Variants in COL11A1 observed in about 807,000 individuals in gnomAD.
COL11A1 encodes the protein collagen alpha-1(XI) chain.
COL11A1 carries 74 observed loss-of-function variants against 265.2 expected under a neutral mutation model. The observed-to-expected ratio is 0.28, with a 90% CI of 0.23 to 0.34. The LOEUF is 0.34. Among genes scored for constraint, COL11A1 ranks in the 10% least tolerant of loss-of-function variants. COL11A1 has a pLI of 1.00. For missense variants in COL11A1, 2,165 were observed against 2,263.6 expected (o/e 0.96, Z 0.88); for synonymous variants, 816 against 727.6 (o/e 1.12, Z -1.96).
At chr1:102,878,338 G>A (rs1649759837) in intron 66 of COL11A1, among the ~76,000 whole-genome samples, 173 bp from the exon 67 acceptor site, 1 of 150,382 alleles carries the variant, frequency 6.6e-6, no homozygotes, top group Non-Finnish European at 1.5e-5. Context: ...TCTAAATTTT[G>A]AATATTGATT....
At chr1:103,038,494 G>C (rs1294729045) in intron 4 of COL11A1, among the ~76,000 whole-genome samples, 8 of 152,114 alleles carry the variant, frequency 5.3e-5, no homozygotes, top group Non-Finnish European at 1.0e-4. Context: ...GCGAGAGAGA[G>C]AGAGAGAAGT....
intron 46 of COL11A1, among the ~76,000 whole-genome samples, chr1:102,932,452 G>A (rs11804582): frequency 0.11 from 17,353 of 152,164 alleles, 1,078 homozygotes; most frequent in East Asian, 0.21. Flanking sequence ...GGCTTCTGCC[G>A]AGAGATCCGC....
At chr1:103,084,213 A>G (rs1382286207) in intron 1 of COL11A1, among the ~76,000 whole-genome samples, 1 of 152,052 alleles carries the variant, frequency 6.6e-6, no homozygotes, top group East Asian at 1.9e-4. Context: ...CATCAACTCA[A>G]ACTTCATCAC....
chr1:102,920,350 G>T lies in COL11A1; in HGVS notation c.3723C>A (p.Pro1241=), dbSNP rs1235107727. 1.9e-6 allele frequency: 3 copies of T among 1,613,122 alleles called. No homozygotes were observed. In the Admixed American group the frequency reaches 5.0e-5, roughly 27 times the overall value. The part of the protein sequence containing the change: ...GPNGADGPQG[P]PGSVGSVGGV... ...CACCAACTGAACCAACAGACCCTGG[G>T]GGTCCTTGTGGTCCCTGCAGTGTAG... The change falls in exon 49 of 67, where the codon CCC becomes CCA. Residue 1241 remains proline, a synonymous_variant. Transcript: ENST00000370096.
chr1:102,962,815 AAC>A, intron 38 of COL11A1, 55 bp from the exon 39 acceptor site: 1 of 1,494,732 alleles, frequency 6.7e-7, no homozygotes, highest in Non-Finnish European at 9.3e-7. Flanking sequence ...TGGCAAAGAT[AAC>A]ACAAACTCAA....
chr1:102,979,296 C>T, intron 32 of COL11A1, 86 bp downstream of exon 32: 1 of 1,301,096 alleles, frequency 7.7e-7, no homozygotes. Context: ...CTGAGCCTCA[C>T]AAATATCTGG....
chr1:102,946,605 T>G (rs1180923588), intron 42 of COL11A1, among the ~76,000 whole-genome samples: 2 of 152,134 alleles, frequency 1.3e-5, no homozygotes, highest in African/African-American at 4.8e-5. Flanking sequence ...ATGAAAAGCC[T>G]TTTACATTAA....
intron 29 of COL11A1, among the ~76,000 whole-genome samples, chr1:102,988,934 G>A (rs1338207743): frequency 6.6e-6 from 1 of 151,972 alleles, no homozygotes; most frequent in Non-Finnish European, 1.5e-5. Context: ...TCTATAGAAT[G>A]CTTCTTTATT....
intron 4 of COL11A1, among the ~76,000 whole-genome samples, chr1:103,047,795 G>A (rs1206515059): frequency 6.6e-6 from 1 of 152,250 alleles, no homozygotes; most frequent in East Asian, 1.9e-4. Flanking sequence ...CTAATTTATT[G>A]AGAGTTTTTA....
At chr1:102,957,602 G>A (rs996008524) in intron 41 of COL11A1, among the ~76,000 whole-genome samples, 3 of 151,900 alleles carry the variant, frequency 2.0e-5, no homozygotes, top group South Asian at 2.1e-4. Context: ...TTTCATCTTC[G>A]ATTCATTCAA....
chr1:103,003,349 A>C (rs1333796096), intron 20 of COL11A1, 81 bp from the exon 21 acceptor site: 2 of 1,372,084 alleles, frequency 1.5e-6, no homozygotes, highest in Non-Finnish European at 2.0e-6. Flanking sequence ...AAGAAATCCT[A>C]AGGTTATTTT....
At chr1:103,089,759 A>C (rs1673165289) in intron 1 of COL11A1, among the ~76,000 whole-genome samples, 1 of 152,222 alleles carries the variant, frequency 6.6e-6, no homozygotes, top group African/African-American at 2.4e-5. Flanking sequence ...AGAGGATTGG[A>C]AGTGACCTTT....
At chr1:103,040,650 G>T (rs983210712) in intron 4 of COL11A1, among the ~76,000 whole-genome samples, 2 of 151,354 alleles carry the variant, frequency 1.3e-5, no homozygotes, top group African/African-American at 4.8e-5. Flanking sequence ...AACATTTGTT[G>T]TCCAAAATAA....
chr1:103,065,281 G>A (rs998124715), intron 4 of COL11A1, among the ~76,000 whole-genome samples: 7 of 152,026 alleles, frequency 4.6e-5, no homozygotes, highest in African/African-American at 1.7e-4. Context: ...AGCACTTTGG[G>A]AGGCCGAGGC....
chr1:103,053,176 G>T (rs1472318129), intron 4 of COL11A1, among the ~76,000 whole-genome samples: 8 of 152,156 alleles, frequency 5.3e-5, no homozygotes, highest in Non-Finnish European at 8.8e-5. Flanking sequence ...CCTTTTAGAG[G>T]ACAAGTAGCA....
At chr1:103,030,200 T>C (rs12754215) in intron 5 of COL11A1, among the ~76,000 whole-genome samples, 5,598 of 152,156 alleles carry the variant, frequency 0.037, 125 homozygotes, top group Middle Eastern at 0.092. Flanking sequence ...TACACTCTCA[T>C]ATTTGCCTTC....
At chr1:102,953,143 T>C (rs1018568839) in intron 41 of COL11A1, among the ~76,000 whole-genome samples, 4 of 152,214 alleles carry the variant, frequency 2.6e-5, no homozygotes, top group African/African-American at 9.6e-5. Context: ...AACAAGGGAC[T>C]TTATAATTGT....
chr1:102,916,159 C>T (rs1655314315), intron 49 of COL11A1, among the ~76,000 whole-genome samples: 1 of 152,066 alleles, frequency 6.6e-6, no homozygotes, highest in Non-Finnish European at 1.5e-5. Flanking sequence ...TAGTAGGAAT[C>T]TAAAGAACTT....
intron 4 of COL11A1, among the ~76,000 whole-genome samples, chr1:103,053,260 G>C (rs944713066): frequency 3.9e-4 from 60 of 152,146 alleles, no homozygotes; most frequent in African/African-American, 1.4e-3. Flanking sequence ...GCGTCATTGA[G>C]CTTCTTGAAA....
Sources: gnomAD v4.1 joint callset for allele counts (sites outside exome capture counted in the v4.1 genomes callset) on GRCh38, gnomAD v4.1.1 for gene constraint, MANE v1.5 for transcripts, NCBI Gene and HGNC (gene_info 2026-07-23, HGNC 2026-07-21) for gene names.